DOCK3: variants seen among roughly 807,000 people sequenced by gnomAD.
DOCK3 encodes dedicator of cytokinesis protein 3.
Under a neutral mutation model 265.6 loss-of-function variants are expected in DOCK3, and 60 were observed. The observed-to-expected ratio is 0.23, with a 90% CI of 0.18 to 0.28. DOCK3 has a LOEUF of 0.28. Ranked by LOEUF, DOCK3 falls within the 10% of genes least tolerant of loss-of-function variation. The pLI is 1.00. For missense variants in DOCK3, 1,981 were observed against 2,594.3 expected (o/e 0.76, Z 5.14); for synonymous variants, 881 against 938.0 (o/e 0.94, Z 1.11).
chr3:51,309,269 G>T (rs1464580571), intron 27 of DOCK3, among the ~76,000 whole-genome samples: 1 of 152,172 alleles, frequency 6.6e-6, no homozygotes, highest in East Asian at 1.9e-4. Flanking sequence ...CCGAGATCAC[G>T]CCACTGCACT....
intron 5 of DOCK3, among the ~76,000 whole-genome samples, chr3:51,007,471 G>C (rs1253410863): frequency 6.6e-6 from 1 of 152,046 alleles, no homozygotes; most frequent in Non-Finnish European, 1.5e-5. Context: ...TGATGCGGTT[G>C]ATTTTTACTT....
intron 9 of DOCK3, among the ~76,000 whole-genome samples, chr3:51,098,692 A>ACCAAGG (rs2082963736): frequency 1.3e-5 from 2 of 152,270 alleles, no homozygotes; most frequent in African/African-American, 4.8e-5. Context: ...TGGTCCTTCG[A>ACCAAGG]CCCTAGGCCC....
chr3:51,146,651 T>C, intron 10 of DOCK3, 21 bp downstream of exon 10: 1 of 1,561,508 alleles, frequency 6.4e-7, no homozygotes, highest in Non-Finnish European at 8.7e-7. Context: ...ATTCTCTTTT[T>C]CTTCTTTGCT....
chr3:50,915,348 T>C (rs2050061603), intron 4 of DOCK3, among the ~76,000 whole-genome samples: 1 of 151,982 alleles, frequency 6.6e-6, no homozygotes, highest in African/African-American at 2.4e-5. Flanking sequence ...TACCTGCCCC[T>C]GTAGAATGGT....
intron 1 of DOCK3, among the ~76,000 whole-genome samples, chr3:50,689,371 A>C (rs1260931873): frequency 6.6e-6 from 1 of 152,198 alleles, no homozygotes; most frequent in African/African-American, 2.4e-5. Flanking sequence ...GGAAACTTAC[A>C]ATCATGGCAG....
rs2086583446 is a variant in DOCK3, at chr3:51,359,497, A to G, written c.4885-1014A>G. On this transcript the variant is annotated intron_variant, in intron 46 of 52. Coordinates refer to ENST00000266037, the MANE Select transcript of DOCK3 (RefSeq NM_004947.5). This position sits in a 1 kb window ranked among gnomAD's most constrained non-coding sequence, Gnocchi z 4.8. ...GTTAAGAACTTGGGCAGTATCGCTG[A>G]GTCTGGTGGGTATTCATTCCACTAC... Among the ~76,000 whole-genome samples, 1 of 152,132 alleles carries G rather than the reference A, an allele frequency of 6.6e-6. No individual in the cohort carries two copies. Among genetic ancestry groups the G allele is most frequent in the South Asian group, 2.1e-4 (1 of 4,826 alleles).
intron 9 of DOCK3, among the ~76,000 whole-genome samples, chr3:51,119,852 A>G (rs2083930966): frequency 6.6e-6 from 1 of 151,974 alleles, no homozygotes; most frequent in South Asian, 2.1e-4. Flanking sequence ...TATTGTAGTT[A>G]GCAATTCCTC....
At chr3:51,166,470 T>G (rs1333628391) in intron 12 of DOCK3, among the ~76,000 whole-genome samples, 2 of 152,220 alleles carry the variant, frequency 1.3e-5, no homozygotes, top group Non-Finnish European at 2.9e-5. Flanking sequence ...TGATTTCTTT[T>G]TCTTTGGGAT....
chr3:51,020,161 CT>C (rs1279526565), intron 5 of DOCK3, among the ~76,000 whole-genome samples: 2 of 151,828 alleles, frequency 1.3e-5, no homozygotes, highest in Non-Finnish European at 2.9e-5. Context: ...GATAATAGCC[CT>C]TCTGACTGGC....
chr3:51,348,583 A>T (rs2085752756), intron 38 of DOCK3, among the ~76,000 whole-genome samples: 1 of 152,240 alleles, frequency 6.6e-6, no homozygotes, highest in Non-Finnish European at 1.5e-5. Context: ...ACAGAAATGG[A>T]CAAGGAAGTG....
In DOCK3 at chr3:51,213,984, T is replaced by C. The variant is rs765938982; in HGVS notation, c.1127-138T>C. 2.6e-5 allele frequency: 29 copies of C among 1,132,252 alleles called. No homozygotes were observed. The Admixed American group carries it at 4.6e-4, about 18-fold the overall frequency. The allele number at this position is 1,132,252 out of a possible 1,614,324, so 70.1% of individuals were successfully genotyped here. A position where few individuals can be genotyped will look rare whatever the true frequency, so the allele number is the denominator to read the frequency against. On this transcript the variant is annotated intron_variant, in intron 13 of 52. Transcript: ENST00000266037. Reference sequence around the variant, plus strand: ...CAAAATGTTTCTTCAAAATAACTTATACTGTCTGCATAAAAGTTTTTCTCA... The same window carrying C: ...CAAAATGTTTCTTCAAAATAACTTACACTGTCTGCATAAAAGTTTTTCTCA...
At chr3:50,743,237 T>C (rs950096356) in intron 1 of DOCK3, among the ~76,000 whole-genome samples, 1 of 151,770 alleles carries the variant, frequency 6.6e-6, no homozygotes, top group South Asian at 2.1e-4. Flanking sequence ...CACTGCAAAA[T>C]CGTGCCAAAT....
At chr3:51,255,920 G>A (rs1156715279) in intron 22 of DOCK3, among the ~76,000 whole-genome samples, 2 of 152,224 alleles carry the variant, frequency 1.3e-5, no homozygotes, top group Non-Finnish European at 2.9e-5. Flanking sequence ...GCGAGGAGCT[G>A]TGTTCCTTTG....
At chr3:51,206,812 G>C (rs972353925) in intron 12 of DOCK3, among the ~76,000 whole-genome samples, 4 of 152,092 alleles carry the variant, frequency 2.6e-5, no homozygotes, top group Non-Finnish European at 4.4e-5. Context: ...TTATTATACC[G>C]GTCCAGAAGA....
In DOCK3 at chr3:50,886,208, A is replaced by ATATG. The variant is rs1399056611; in HGVS notation, c.163-3817_163-3816insATGT. Among the ~76,000 whole-genome samples, 65 of 136,924 alleles carry ATATG rather than the reference A, an allele frequency of 4.7e-4. 7 individuals carry two copies. The highest frequency in any genetic ancestry group is 6.7e-4 in the Admixed American group (9 of 13,452). 89.8% of individuals were successfully genotyped at this position (136,924 alleles called of 152,430 possible). A position where few individuals can be genotyped will look rare whatever the true frequency, so the allele number is the denominator to read the frequency against. ...TGGAGATATATATATATATATATAT[A>ATATG]TTCCAGAGTTTTTAGGTATGCACTA... is the stretch of plus-strand genomic sequence containing the variant. On this transcript the variant is annotated intron_variant, in intron 3 of 52. Transcript: ENST00000266037.
chr3:51,336,505 C>T (rs934040032), intron 35 of DOCK3, among the ~76,000 whole-genome samples: 4 of 152,116 alleles, frequency 2.6e-5, no homozygotes, highest in African/African-American at 9.7e-5. Context: ...TGATGTAGTC[C>T]CCAGCCAGCC....
At chr3:51,086,158 T>A (rs1040903175) in intron 7 of DOCK3, among the ~76,000 whole-genome samples, 1 of 152,208 alleles carries the variant, frequency 6.6e-6, no homozygotes, top group Admixed American at 6.5e-5. Context: ...AAGTATTCCT[T>A]ATGGGAAACA....
intron 2 of DOCK3, among the ~76,000 whole-genome samples, chr3:50,805,807 T>G (rs2043377245): frequency 6.6e-6 from 1 of 151,988 alleles, no homozygotes; most frequent in African/African-American, 2.4e-5. Flanking sequence ...CTGCTGGAGG[T>G]GGTTTACTGG....
At chr3:50,812,295 C>CT (rs1253329502) in intron 2 of DOCK3, among the ~76,000 whole-genome samples, 1 of 152,202 alleles carries the variant, frequency 6.6e-6, no homozygotes, top group Non-Finnish European at 1.5e-5. Context: ...GAGTAGAGTG[C>CT]TCACAATAAA....
Sources: allele counts gnomAD v4.1 joint callset (sites outside exome capture counted in the v4.1 genomes callset), GRCh38; gene constraint gnomAD v4.1.1; non-coding constraint Gnocchi (gnomAD v3.1); transcripts MANE v1.5; gene names NCBI Gene and HGNC (gene_info 2026-07-23, HGNC 2026-07-21).